Variants in ATN1 observed in about 807,000 individuals in gnomAD.
The protein encoded by ATN1 is atrophin 1, also known as atrophin-1.
A neutral mutation model predicts 85.8 loss-of-function variants in ATN1; 19 were observed. The observed-to-expected ratio is 0.22, with a 90% CI of 0.15 to 0.32. The LOEUF is 0.32. ATN1 is among the 10% of genes least tolerant of loss of function. The pLI, the probability that ATN1 is intolerant of heterozygous loss-of-function variation, is 1.00. For missense variants in ATN1, 1,453 were observed against 1,564.5 expected (o/e 0.93, Z 1.20); for synonymous variants, 674 against 657.0 (o/e 1.03, Z -0.39).
intron 1 of ATN1, 37 bp from the exon 2 acceptor site, chr12:6,933,803 C>T: frequency 1.6e-6 from 1 of 644,430 alleles, no homozygotes; most frequent in Non-Finnish European, 2.7e-6. Flanking sequence ...TGACTCTGTT[C>T]TCCAAGTTGG....
upstream of ATN1, among the ~76,000 whole-genome samples, chr12:6,925,117 C>CGTGCGTGTGT (rs1555142457): frequency 7.0e-5 from 10 of 143,718 alleles, no homozygotes; most frequent in Non-Finnish European, 7.5e-5. Flanking sequence ...TGTGCGTGTG[C>CGTGCGTGTGT]GTGTGTGTGT....
At chr12:6,926,124 AC>A (rs1945396765), upstream of ATN1, among the ~76,000 whole-genome samples, 2 of 152,146 alleles carry the variant, frequency 1.3e-5, no homozygotes, top group South Asian at 4.2e-4. Context: ...GCCAGAGGCT[AC>A]CTGGAGAGCA....
In ATN1 at chr12:6,937,949, T is replaced by TGGAGAAGGTGCGGCGCGAGGC. The variant is rs1469459864; in HGVS notation, c.2400_2420dup (p.Lys802_Glu808dup). On this transcript the variant is annotated inframe_insertion, in exon 6 of 10. Transcript: ENST00000396684. This position sits in a 1 kb window ranked among gnomAD's most constrained non-coding sequence, Gnocchi z 6.0. The stretch of plus-strand genomic sequence containing the variant: ...CTGGCCAAGAAGCGGGCCGACCTGG[T>TGGAGAAGGTGCGGCGCGAGGC]GGAGAAGGTGCGGCGCGAGGCCGAG... The TGGAGAAGGTGCGGCGCGAGGC allele has an allele frequency of 1.3e-6, 2 of 1,580,468 alleles. No individual in the cohort carries two copies. The highest frequency in any genetic ancestry group is 1.7e-6 in the Non-Finnish European group (2 of 1,164,240).
upstream of ATN1, among the ~76,000 whole-genome samples, chr12:6,925,119 T>TGTGC (rs1412382476): frequency 1.5e-4 from 21 of 140,456 alleles, no homozygotes; most frequent in East Asian, 4.0e-4. Context: ...TGCGTGTGCG[T>TGTGC]GTGTGTGTGT....
At position 6,936,319 on chromosome 12, in the gene ATN1, C is replaced by G. The variant is rs2138212283; in HGVS notation, c.1052C>G (p.Thr351Ser). The change falls in exon 5 of 10, where the codon ACT (threonine) becomes AGT (serine). Residue 351 changes from threonine to serine, a missense_variant. Thr to Ser is a moderately conservative substitution (Grantham distance 58). Coordinates refer to ENST00000396684, the MANE Select transcript of ATN1 (RefSeq NM_001940.4). ...GLPPGPEKGP[T>S]LAPSPHSLPP... Reference sequence around the variant, plus strand: ...CCTCCTGGCCCAGAGAAGGGCCCAACTCTGGCTCCTTCACCCCACTCTCTG... The same window carrying G: ...CCTCCTGGCCCAGAGAAGGGCCCAAGTCTGGCTCCTTCACCCCACTCTCTG... The G allele has an allele frequency of 1.2e-6, 2 of 1,613,982 alleles. No homozygotes were observed. Among genetic ancestry groups the G allele is most frequent in the East Asian group, 4.5e-5 (2 of 44,880 alleles).
chr12:6,936,484 C>T lies in ATN1; in HGVS notation c.1217C>T (p.Pro406Leu), dbSNP rs1555143688. ...CCCTTCCCAGCTTCCCAGGCATTGC[C>T]CAGCTACCCCCACTCTTTCCCTCCC... ...ASPFPASQAL[P>L]SYPHSFPPPT... The change falls in exon 5 of 10, where the codon CCC becomes CTC. Residue 406 changes from proline to leucine, a missense_variant. Physicochemically the swap from Pro to Leu is moderately conservative, Grantham distance 98. Transcript: ENST00000396684. 1 of 1,599,944 alleles carries T rather than the reference C, an allele frequency of 6.3e-7. No homozygotes were observed. The highest frequency in any genetic ancestry group is 1.7e-5 in the Admixed American group (1 of 59,498).
In ATN1 at chr12:6,934,410, CGGT is replaced by C. The variant is rs1197331977; in HGVS notation, c.166-52_166-50del. The C allele has an allele frequency of 1.1e-5, 17 of 1,606,444 alleles. No homozygotes were observed. Among genetic ancestry groups the C allele is most frequent in the Non-Finnish European group, 1.4e-5 (17 of 1,175,496 alleles). On this transcript the variant is annotated intron_variant, in intron 3 of 9. Coordinates refer to ENST00000396684, the MANE Select transcript of ATN1 (RefSeq NM_001940.4). The surrounding 1 kb of genome is among the most constrained non-coding windows in gnomAD (Gnocchi z 4.5). ...GAACTTCCTGTTTGGCAGAGGGTAA[CGGT>C]GGAGCTCGGGAGGTAGGGAAAAGAC...
upstream of ATN1, among the ~76,000 whole-genome samples, chr12:6,925,852 C>T (rs1156416793): frequency 6.6e-6 from 1 of 152,246 alleles, no homozygotes; most frequent in Non-Finnish European, 1.5e-5. Flanking sequence ...GCAAGACTGG[C>T]CCCACAAGTA....
Position 6,941,234 on chromosome 12 carries a change from A to C in ATN1, c.3359-140A>C. 1 of 1,228,498 alleles carries C rather than the reference A, an allele frequency of 8.1e-7. No homozygotes were observed. The highest frequency in any genetic ancestry group is 1.1e-6 in the Non-Finnish European group (1 of 888,166). The allele number at this position is 1,228,498 out of a possible 1,614,324, so 76.1% of individuals were successfully genotyped here. A position where few individuals can be genotyped will look rare whatever the true frequency, so the allele number is the denominator to read the frequency against. On this transcript the variant is annotated intron_variant, in intron 8 of 9. Transcript: ENST00000396684. This position sits in a 1 kb window ranked among gnomAD's most constrained non-coding sequence, Gnocchi z 5.9. ...GTTCGAATCCCAATTCCACCCTACC[A>C]CTGGCAACTTACAGAACTGGGTGTG...
rs782000301 is a variant in ATN1, at chr12:6,936,810, T to C, written c.1543T>C (p.Phe515Leu). 3.7e-6 allele frequency: 6 copies of C among 1,612,346 alleles called. No homozygotes were observed. Among genetic ancestry groups the C allele is most frequent in the Admixed American group, 3.3e-5 (2 of 59,918 alleles). The change falls in exon 5 of 10, where the codon TTT becomes CTT. Residue 515 changes from phenylalanine (F) to leucine (L), a missense_variant. Phe to Leu is a conservative substitution (Grantham distance 22). Around this residue, in one of 6 missense-constraint regions of ATN1, gnomAD observed 990 missense variants for 914.8 expected, o/e 1.08. Transcript: ENST00000396684. ...GNSGPPPPGA[F>L]PHPLEGGSSH... ...CTCTGGGCCCCCTCCTCCTGGAGCA[T>C]TTCCCCACCCACTGGAGGGCGGTAG... is the stretch of plus-strand genomic sequence containing the variant.
In ATN1 at chr12:6,941,995, A is replaced by G; in HGVS notation, c.*215A>G. 1.7e-6 allele frequency: 1 copy of G among 589,990 alleles called. No individual in the cohort carries two copies. Among genetic ancestry groups the G allele is most frequent in the Non-Finnish European group, 3.0e-6 (1 of 329,902 alleles). 36.5% of individuals were successfully genotyped at this position (589,990 alleles called of 1,614,324 possible). A position where few individuals can be genotyped will look rare whatever the true frequency, so the allele number is the denominator to read the frequency against. On this transcript the variant is annotated 3_prime_UTR_variant, in exon 10 of 10. Coordinates refer to ENST00000396684, the MANE Select transcript of ATN1 (RefSeq NM_001940.4). The surrounding 1 kb of genome is among the most constrained non-coding windows in gnomAD (Gnocchi z 5.9). ...AGGTGGGGAGGTGGCGAGGATGGGG[A>G]CAGAAAGCGCACAGAATCTTGGACC...
rs1555143453 is a variant in ATN1, at chr12:6,935,629, C to T, written c.362C>T (p.Pro121Leu). Residue 121 changes from proline (P) to leucine (L), a missense_variant, in exon 5 of 10, where the codon CCT becomes CTT. Coordinates refer to ENST00000396684, the MANE Select transcript of ATN1 (RefSeq NM_001940.4). This position sits in a 1 kb window ranked among gnomAD's most constrained non-coding sequence, Gnocchi z 5.3. ...RSLNDDGSSDPRDIDQDNRST... is the reference protein window; with the variant it reads ...RSLNDDGSSDLRDIDQDNRST... ...CTTAATGATGATGGCAGCAGCGACC[C>T]TAGGGATATCGACCAGGACAACCGA... 1.2e-6 allele frequency: 2 copies of T among 1,613,954 alleles called. No homozygotes were observed. Among genetic ancestry groups the T allele is most frequent in the African/African-American group, 1.3e-5 (1 of 74,996 alleles).
chr12:6,940,045 G>A (rs902477019), intron 7 of ATN1, among the ~76,000 whole-genome samples: 48 of 152,252 alleles, frequency 3.2e-4, no homozygotes, highest in African/African-American at 1.1e-3. Context: ...GCAGTGGCGC[G>A]ATCTCGGCTT....
chr12:6,925,620 G>T (rs1040442234), upstream of ATN1, among the ~76,000 whole-genome samples: 2 of 152,180 alleles, frequency 1.3e-5, no homozygotes, highest in Non-Finnish European at 2.9e-5. Context: ...GGACTTCAGA[G>T]TGATGACTCA....
At chr12:6,927,565 T>G (rs1945410424), upstream of ATN1, among the ~76,000 whole-genome samples, 5 of 143,472 alleles carry the variant, frequency 3.5e-5, no homozygotes, top group African/African-American at 7.8e-5. Context: ...GCTCCCCACA[T>G]TCCGCCACGG....
intron 1 of ATN1, 34 bp from the exon 2 acceptor site, chr12:6,933,806 C>T: frequency 1.5e-6 from 1 of 648,450 alleles, no homozygotes; most frequent in South Asian, 1.9e-5. Context: ...CTCTGTTCTC[C>T]AAGTTGGAGA....
chr12:6,931,977 G>A (rs1555143113), intron 1 of ATN1, among the ~76,000 whole-genome samples: 1 of 139,042 alleles, frequency 7.2e-6, no homozygotes, highest in African/African-American at 2.7e-5. Context: ...AGAGGTTGCA[G>A]TGAGTGAGAT....
chr12:6,938,802 A>G lies in ATN1; in HGVS notation c.2839A>G (p.Lys947Glu). The change falls in exon 7 of 10, where the codon AAG becomes GAG. Residue 947 changes from lysine to glutamate, a missense_variant. Physicochemically the swap from Lys to Glu is moderately conservative, Grantham distance 56 (BLOSUM62 1). Transcript: ENST00000396684. Reference sequence around the variant, plus strand: ...TGAACGAGACCTCCGTGACCGCCTCAAGCCTGGCTTTGAGGTGAAGCCTAG... The same window carrying G: ...TGAACGAGACCTCCGTGACCGCCTCGAGCCTGGCTTTGAGGTGAAGCCTAG... ...ARERDLRDRL[K>E]PGFEVKPSEL... 6.2e-7 allele frequency: 1 copy of G among 1,614,148 alleles called. No individual in the cohort carries two copies. The highest frequency in any genetic ancestry group is 8.5e-7 in the Non-Finnish European group (1 of 1,180,020).
chr12:6,940,735 C>G (rs1945622792), intron 7 of ATN1, 145 bp from the exon 8 acceptor site: 1 of 978,486 alleles, frequency 1.0e-6, no homozygotes. Flanking sequence ...TGCCAGGCCT[C>G]TAGTTCTTCC....
Sources: allele counts gnomAD v4.1 joint callset (sites outside exome capture counted in the v4.1 genomes callset), GRCh38; gene constraint gnomAD v4.1.1; regional missense constraint gnomAD v4.1.1; non-coding constraint Gnocchi (gnomAD v3.1); transcripts MANE v1.5; gene names NCBI Gene and HGNC (gene_info 2026-07-23, HGNC 2026-07-21).